KLHL1: variants seen among roughly 807,000 people sequenced by gnomAD.
KLHL1 encodes kelch-like protein 1.
Under a neutral mutation model 77.7 loss-of-function variants are expected in KLHL1, and 47 were observed. That is an observed-to-expected ratio of 0.60 (90% confidence interval 0.48 to 0.77). The LOEUF is 0.77. Ranked by LOEUF, KLHL1 falls within the 30% of genes least tolerant of loss-of-function variation. The probability of loss-of-function intolerance (pLI) is 0.00; values close to 1 mark genes in which losing one functional copy is unlikely to be tolerated. For missense variants in KLHL1, 925 were observed against 910.8 expected, an observed-to-expected ratio of 1.02 and a Z score of -0.20; for synonymous variants, 360 against 325.2, an observed-to-expected ratio of 1.11 and a Z score of -1.15.
At chr13:69,896,966 G>A (rs555835620) in intron 4 of KLHL1, among the ~76,000 whole-genome samples, 134 of 152,068 alleles carry the variant, frequency 8.8e-4, no homozygotes, top group African/African-American at 2.9e-3. Flanking sequence ...CACTGTGCCC[G>A]GCCTGTTTAA....
intron 1 of KLHL1, among the ~76,000 whole-genome samples, chr13:70,034,618 CT>C (rs1169478045): frequency 6.6e-6 from 1 of 152,088 alleles, no homozygotes; most frequent in African/African-American, 2.4e-5. Context: ...ATTCTGAAAT[CT>C]TTTTTATCAG....
At chr13:69,977,254 G>A (rs1012579832) in intron 1 of KLHL1, among the ~76,000 whole-genome samples, 7 of 151,922 alleles carry the variant, frequency 4.6e-5, no homozygotes, top group African/African-American at 1.7e-4. Context: ...CGAATATATG[G>A]ATCACAATTA....
At chr13:69,958,963 T>C (rs901765804) in intron 3 of KLHL1, among the ~76,000 whole-genome samples, 1 of 152,064 alleles carries the variant, frequency 6.6e-6, no homozygotes, top group African/African-American at 2.4e-5. Flanking sequence ...ATTTGTTACA[T>C]TGTATATGAC....
At chr13:69,742,536 A>C (rs1186239779) in intron 7 of KLHL1, among the ~76,000 whole-genome samples, 1 of 152,216 alleles carries the variant, frequency 6.6e-6, no homozygotes, top group African/African-American at 2.4e-5. Context: ...CCGATGACAC[A>C]GTGATGAATT....
chr13:69,920,397 G>A (rs991810750), intron 4 of KLHL1, among the ~76,000 whole-genome samples: 20 of 151,948 alleles, frequency 1.3e-4, no homozygotes, highest in African/African-American at 4.6e-4. Flanking sequence ...GAAATATTTA[G>A]GCAGTACCCA....
chr13:70,094,393 T>TTATATATATATACATATATATA (rs1555296827), intron 1 of KLHL1, among the ~76,000 whole-genome samples: 1 of 137,148 alleles, frequency 7.3e-6, no homozygotes, highest in Non-Finnish European at 1.5e-5. Context: ...GCAATCATCT[T>TTATATATATATACATATATATA]TATATATATA....
chr13:70,042,589 G>C (rs1886402607), intron 1 of KLHL1, among the ~76,000 whole-genome samples: 1 of 152,006 alleles, frequency 6.6e-6, no homozygotes, highest in African/African-American at 2.4e-5. Context: ...TGCACCGCCA[G>C]CTCTATAAAA....
At chr13:70,091,865 T>C (rs1328420122) in intron 1 of KLHL1, among the ~76,000 whole-genome samples, 2 of 152,174 alleles carry the variant, frequency 1.3e-5, no homozygotes, top group Admixed American at 6.5e-5. Flanking sequence ...AGACTTTCAT[T>C]CTGAAATTTT....
At chr13:69,833,798 TC>T (rs1878866348) in intron 6 of KLHL1, among the ~76,000 whole-genome samples, 1 of 143,496 alleles carries the variant, frequency 7.0e-6, no homozygotes, top group African/African-American at 2.7e-5. Context: ...CTTGTTGTGT[TC>T]TATATATATA....
chr13:69,746,123 A>T (rs73504006), intron 7 of KLHL1, among the ~76,000 whole-genome samples: 16,605 of 151,618 alleles, frequency 0.11, 1,009 homozygotes, highest in African/African-American at 0.14. Flanking sequence ...TTCATCAATA[A>T]ATAAAAAGAA....
intron 7 of KLHL1, among the ~76,000 whole-genome samples, chr13:69,760,724 A>G (rs919669764): frequency 2.0e-5 from 3 of 152,114 alleles, no homozygotes; most frequent in African/African-American, 7.2e-5. Flanking sequence ...GACTTTTTTC[A>G]GGAGGCAATA....
At chr13:69,941,396 C>A (rs907233880) in intron 3 of KLHL1, among the ~76,000 whole-genome samples, 1 of 151,976 alleles carries the variant, frequency 6.6e-6, no homozygotes, top group Admixed American at 6.6e-5. Flanking sequence ...ATTCTTTGAT[C>A]TGAATGATAA....
chr13:70,070,793 A>G (rs1283057202), intron 1 of KLHL1, among the ~76,000 whole-genome samples: 2 of 152,130 alleles, frequency 1.3e-5, no homozygotes, highest in African/African-American at 4.8e-5. Context: ...GTAACAGGAG[A>G]AAGGACATGA....
chr13:69,939,378 T>TACAC (rs1555283223), intron 4 of KLHL1, among the ~76,000 whole-genome samples: 4,329 of 69,706 alleles, frequency 0.062, 375 homozygotes, highest in Middle Eastern at 0.095. Flanking sequence ...TATATATATA[T>TACAC]ACACACACAC....
At chr13:69,809,016 T>TA (rs34046439) in intron 6 of KLHL1, among the ~76,000 whole-genome samples, 56,649 of 151,714 alleles carry the variant, frequency 0.37, 10,948 homozygotes, top group African/African-American at 0.46. Flanking sequence ...AAAAATAAAG[T>TA]AAAAGAATTT....
chr13:70,026,574 G>A (rs987797092), intron 1 of KLHL1, among the ~76,000 whole-genome samples: 9 of 152,114 alleles, frequency 5.9e-5, no homozygotes, highest in African/African-American at 1.9e-4. Context: ...ACCCATTTGG[G>A]TCCGTTCCCT....
At chr13:69,989,733 A>C (rs1410582001) in intron 1 of KLHL1, among the ~76,000 whole-genome samples, 3 of 151,852 alleles carry the variant, frequency 2.0e-5, no homozygotes, top group Non-Finnish European at 2.9e-5. Flanking sequence ...ACTGTGAATG[A>C]GATTGCCTTC....
In KLHL1 at chr13:69,719,614, A is replaced by G. The variant is rs147995833; in HGVS notation, c.1803-33T>C. 2.6e-4 allele frequency: 408 copies of G among 1,541,386 alleles called. 3 individuals carry two copies. In the African/African-American group the frequency reaches 5.0e-3, roughly 19 times the overall value. ...CACAATTGGAAAAATGTGATTTAAT[A>G]TCATAGTCTGGATGACAAAATATAG... On this transcript the variant is annotated intron_variant, in intron 8 of 10. Transcript: ENST00000377844.
intron 1 of KLHL1, among the ~76,000 whole-genome samples, chr13:70,094,810 T>G (rs1245033995): frequency 6.6e-6 from 1 of 152,134 alleles, no homozygotes; most frequent in African/African-American, 2.4e-5. Flanking sequence ...CTATCAGCCT[T>G]TTTCTAACTA....
Sources: allele counts gnomAD v4.1 joint callset (sites outside exome capture counted in the v4.1 genomes callset), GRCh38; gene constraint gnomAD v4.1.1; transcripts MANE v1.5; gene names NCBI Gene and HGNC (gene_info 2026-07-23, HGNC 2026-07-21).